MPP1: variants seen among roughly 807,000 people sequenced by gnomAD.
MPP1 encodes the protein 55 kDa erythrocyte membrane protein.
Under a neutral mutation model 38.2 loss-of-function variants are expected in MPP1, and 6 were observed. The ratio of observed to expected loss-of-function variants is 0.16; its 90% CI spans 0.09 to 0.31. The LOEUF (loss-of-function observed/expected upper bound fraction) is 0.31, where lower values mean the gene tolerates loss of function less well. MPP1 is among the 10% of genes least tolerant of loss of function. The probability of loss-of-function intolerance (pLI) is 1.00; values close to 1 mark genes in which losing one functional copy is unlikely to be tolerated. For missense variants in MPP1, 293 were observed against 368.9 expected (o/e 0.79, Z 1.69); for synonymous variants, 153 against 146.3 (o/e 1.05, Z -0.33).
chrX:154,790,524 C>G (rs1475495006), intron 4 of MPP1, among the ~76,000 whole-genome samples: 5 of 103,756 alleles, frequency 4.8e-5, no homozygotes, highest in Non-Finnish European at 7.9e-5. Context: ...GAGCGAAACT[C>G]CATCTCAAAA....
rs184411419 is a variant in MPP1 at position 154,787,428 on chromosome X, C to G, written c.481-1028G>C. Among the ~76,000 whole-genome samples the G allele has an allele frequency of 1.9e-3, 209 of 111,311 alleles. 1 individual carries two copies. In the East Asian group the frequency reaches 0.035, roughly 19 times the overall value. On this transcript the variant is annotated intron_variant, in intron 5 of 11. Coordinates refer to ENST00000369534, the MANE Select transcript of MPP1 (RefSeq NM_002436.4). ...ATAAGAAGGTTTACTACCTGAAGGG[C>G]AATAAATTCACCACGTTAACATAAA...
chrX:154,786,811 G>A (rs1557267244), intron 5 of MPP1, among the ~76,000 whole-genome samples: 1 of 98,569 alleles, frequency 1.0e-5, no homozygotes, highest in East Asian at 3.3e-4. Context: ...CGGGAGAATC[G>A]CTTGAACCCG....
Position 154,799,642 on chromosome X carries a change from A to T in MPP1, c.102+5630T>A, listed in dbSNP as rs1322923048. On this transcript the variant is annotated intron_variant, in intron 1 of 11. Coordinates refer to ENST00000369534, the MANE Select transcript of MPP1 (RefSeq NM_002436.4). ...CTGTAGTGGATATAGGAGGCCACAG[A>T]GCTATGGCAGGCCTGCCCCTGACCA... 3 of 913,753 alleles carry T rather than the reference A, an allele frequency of 3.3e-6. No homozygotes were observed. The African/African-American group carries it at 6.0e-5, about 18-fold the overall frequency. The allele number at this position is 913,753 out of a possible 1,213,427, so 75.3% of individuals were successfully genotyped here.
intron 1 of MPP1, among the ~76,000 whole-genome samples, chrX:154,803,900 G>T (rs2148544175): frequency 8.9e-6 from 1 of 111,851 alleles, no homozygotes; most frequent in Admixed American, 9.4e-5. Context: ...ACTGATTGTG[G>T]GGAAGAAAAA....
In MPP1 at chrX:154,781,247, C is replaced by T. The variant is rs2071990887; in HGVS notation, c.1216G>A (p.Gly406Ser). ...FIVFIAPTDQ[G>S]TQTEALQQLQ... ...GCACAACCTCTCCTCACCTGAGTGC[C>T]CTGGTCAGTAGGTGCAATGAACACA... The change falls in exon 11 of 12, where the codon GGC (glycine) becomes AGC (serine). Residue 406 changes from glycine (G) to serine (S), a missense_variant. Physicochemically the swap from Gly to Ser is moderately conservative, Grantham distance 56 (BLOSUM62 0). Coordinates refer to ENST00000369534, the MANE Select transcript of MPP1 (RefSeq NM_002436.4). 1 of 1,208,151 alleles carries T rather than the reference C, an allele frequency of 8.3e-7. No individual in the cohort carries two copies. The highest frequency in any genetic ancestry group is 1.1e-6 in the Non-Finnish European group (1 of 893,522).
intron 6 of MPP1, among the ~76,000 whole-genome samples, chrX:154,785,526 TACAC>T (rs1284107344): frequency 9.0e-6 from 1 of 111,432 alleles, no homozygotes; most frequent in Non-Finnish European, 1.9e-5. Flanking sequence ...ACAAAACACA[TACAC>T]ACACCCCACA....
At chrX:154,799,890 G>T in intron 1 of MPP1, 3 of 1,122,338 alleles carry the variant, frequency 2.7e-6, no homozygotes, top group East Asian at 3.5e-5. Context: ...TTGCTCAAAG[G>T]AAGCTGGAAT....
At chrX:154,783,989 C>G (rs1472423645) in intron 8 of MPP1, 39 bp downstream of exon 8, 45 of 1,164,832 alleles carry the variant, frequency 3.9e-5, no homozygotes, top group Non-Finnish European at 4.9e-5. Flanking sequence ...GGCAGGAAAA[C>G]AAAGACAGAA....
intron 5 of MPP1, among the ~76,000 whole-genome samples, chrX:154,787,471 T>C (rs1478052267): frequency 1.8e-5 from 2 of 111,969 alleles, no homozygotes; most frequent in Non-Finnish European, 3.8e-5. Context: ...AAAGATCATA[T>C]GATCCCCTCA....
At chrX:154,800,322 G>T (rs1557268569) in intron 1 of MPP1, among the ~76,000 whole-genome samples, 2 of 112,430 alleles carry the variant, frequency 1.8e-5, no homozygotes, top group Non-Finnish European at 3.8e-5. Context: ...AGGATATTCT[G>T]GCAGGTACTG....
At position 154,796,791 on chromosome X, in the gene MPP1, G is replaced by A. The variant is rs1297715763; in HGVS notation, c.103-4506C>T. 5.3e-5 allele frequency among the ~76,000 whole-genome samples: 6 copies of A among 112,154 alleles called. No homozygotes were observed. In the Middle Eastern group the frequency reaches 0.014, roughly 257 times the overall value. On this transcript the variant is annotated intron_variant, in intron 1 of 11. Coordinates refer to ENST00000369534, the MANE Select transcript of MPP1 (RefSeq NM_002436.4). ...GGCAGGTAAAAAGGGGAGAAAAATC[G>A]AAAGGAAGAGGCCTGTAATCTTGTT... is the stretch of plus-strand genomic sequence containing the variant.
chrX:154,794,890 C>T (rs2072178422), intron 1 of MPP1, among the ~76,000 whole-genome samples: 1 of 111,940 alleles, frequency 8.9e-6, no homozygotes, highest in Admixed American at 9.4e-5. Context: ...CGCTTAAGCC[C>T]AGGAGTTTGA....
chrX:154,789,144 C>G (rs2072113000), intron 5 of MPP1, among the ~76,000 whole-genome samples: 1 of 111,624 alleles, frequency 9.0e-6, no homozygotes, highest in Non-Finnish European at 1.9e-5. Flanking sequence ...CCCATATATG[C>G]CAAAACTGCA....
chrX:154,800,453 C>G (rs937015590), intron 1 of MPP1, among the ~76,000 whole-genome samples: 38 of 111,480 alleles, frequency 3.4e-4, no homozygotes, highest in African/African-American at 1.2e-3. Context: ...TTTTTCTACC[C>G]CATGCTCTCA....
At chrX:154,800,958 A>G (rs2072254904) in intron 1 of MPP1, among the ~76,000 whole-genome samples, 1 of 112,732 alleles carries the variant, frequency 8.9e-6, no homozygotes, top group Non-Finnish European at 1.9e-5. Flanking sequence ...AAAGAAAAAA[A>G]GAAAAGCAAG....
At position 154,783,481 on chromosome X, in the gene MPP1, T is replaced by C; in HGVS notation, c.892A>G (p.Ile298Val). 8.3e-7 allele frequency: 1 copy of C among 1,209,967 alleles called. No individual in the cohort carries two copies. Among genetic ancestry groups the C allele is most frequent in the Non-Finnish European group, 1.1e-6 (1 of 894,619 alleles). ...IGASGVGRSH[I>V]KNALLSQNPE... ...TTCTGGCTGAGCAGGGCATTCTTAA[T>C]GTGGCTGCGACCCACCCCACTGGCT... Residue 298 changes from isoleucine to valine, a missense_variant, in exon 9 of 12, where the codon ATT becomes GTT. By Grantham distance (29) the Ile-to-Val change is conservative. Coordinates refer to ENST00000369534, the MANE Select transcript of MPP1 (RefSeq NM_002436.4).
rs781890724 is a variant in MPP1, at chrX:154,781,824, C to T, written c.947-22G>A. On this transcript the variant is annotated intron_variant, in intron 9 of 11. Transcript: ENST00000369534. ...GTATCTGTGTACAAGAACCCAAATC[C>T]CCGACAAACTCCAGGTCCTCACCCT... The T allele has an allele frequency of 1.1e-5, 13 of 1,193,079 alleles. No individual in the cohort carries two copies. The South Asian group carries it at 2.1e-4, about 20-fold the overall frequency.
In MPP1 at chrX:154,781,591, C is replaced by T. The variant is rs781834129; in HGVS notation, c.1149+9G>A. 1.8e-5 allele frequency: 22 copies of T among 1,206,544 alleles called. No homozygotes were observed. Among genetic ancestry groups the T allele is most frequent in the Non-Finnish European group, 2.4e-5 (21 of 893,393 alleles). ...GCCCATCTGTCCCTGCCCTTCCATG[C>T]CTACCCACCTGGGGCTCAATGTCAA... On this transcript the variant is annotated intron_variant, in intron 10 of 11. Transcript: ENST00000369534.
chrX:154,781,908 G>C, intron 9 of MPP1, 106 bp from the exon 10 acceptor site: 4 of 773,608 alleles, frequency 5.2e-6, no homozygotes, highest in Non-Finnish European at 7.6e-6. Flanking sequence ...TTGGTGCATT[G>C]ACTTTAATAC....
Sources: gnomAD v4.1 joint callset for allele counts (sites outside exome capture counted in the v4.1 genomes callset) on GRCh38, gnomAD v4.1.1 for gene constraint, MANE v1.5 for transcripts, NCBI Gene and HGNC (gene_info 2026-07-23, HGNC 2026-07-21) for gene names.